The following BCL6 variants were observed in gnomAD, a reference collection of about 807,000 sequenced individuals.
The protein encoded by BCL6 is BCL6 transcription repressor.
BCL6 carries 7 observed loss-of-function variants against 59.5 expected under a neutral mutation model. The ratio of observed to expected loss-of-function variants is 0.12; its 90% CI spans 0.07 to 0.22. The LOEUF (loss-of-function observed/expected upper bound fraction) is 0.22, where lower values mean the gene tolerates loss of function less well. Ranked by LOEUF, BCL6 falls within the 10% of genes least tolerant of loss-of-function variation. The pLI, the probability that BCL6 is intolerant of heterozygous loss-of-function variation, is 1.00. For missense variants in BCL6, 685 were observed against 939.4 expected (o/e 0.73, Z 3.54); for synonymous variants, 339 against 349.7 (o/e 0.97, Z 0.34).
chr3:187,742,794 A>G (rs904406552), intron 1 of BCL6, among the ~76,000 whole-genome samples: 2 of 152,114 alleles, frequency 1.3e-5, no homozygotes, highest in Non-Finnish European at 2.9e-5. Flanking sequence ...AGAGACAAAT[A>G]TCTTTTCGTC....
chr3:187,738,177 G>A (rs1248859298), intron 1 of BCL6, among the ~76,000 whole-genome samples: 7 of 152,182 alleles, frequency 4.6e-5, no homozygotes, highest in Non-Finnish European at 8.8e-5. Context: ...AATACAATCC[G>A]AGGCTCATAT....
At chr3:187,727,211 C>A (rs1012354440) in intron 6 of BCL6, among the ~76,000 whole-genome samples, 2 of 152,154 alleles carry the variant, frequency 1.3e-5, no homozygotes, top group African/African-American at 2.4e-5. Flanking sequence ...TTTCTTTCCC[C>A]AAGAGCTCTG....
chr3:187,725,481 C>G lies in BCL6; in HGVS notation c.1839+18G>C. On this transcript the variant is annotated intron_variant, in intron 8 of 9. Transcript: ENST00000406870. This position sits in a 1 kb window ranked among gnomAD's most constrained non-coding sequence, Gnocchi z 4.7. ...TCCGCTCGCCTGCCCGCTCCGCTCGCCTGCCCACTCTGCTCACCTGTACAA... is the reference window on the plus strand; with the variant it reads ...TCCGCTCGCCTGCCCGCTCCGCTCGGCTGCCCACTCTGCTCACCTGTACAA... 6.2e-7 allele frequency: 1 copy of G among 1,611,458 alleles called. No individual in the cohort carries two copies. The highest frequency in any genetic ancestry group is 2.2e-5 in the East Asian group (1 of 44,826).
intron 2 of BCL6, chr3:187,733,999 A>G: frequency 2.3e-6 from 1 of 428,870 alleles, no homozygotes; most frequent in Non-Finnish European, 4.4e-6. Context: ...AAGCACTGAC[A>G]GGTAGTGAGT....
chr3:187,742,088 T>C (rs973595754), intron 1 of BCL6, among the ~76,000 whole-genome samples: 9 of 152,200 alleles, frequency 5.9e-5, no homozygotes, highest in East Asian at 1.9e-4. Context: ...TATCCGTTAG[T>C]TTTATCTCCC....
intron 1 of BCL6, among the ~76,000 whole-genome samples, chr3:187,741,636 T>G (rs969875737): frequency 2.6e-5 from 4 of 152,204 alleles, no homozygotes; most frequent in African/African-American, 9.7e-5. Flanking sequence ...GCACCCTCGC[T>G]GTGCTCGCGG....
At chr3:187,738,983 C>A (rs1304455588) in intron 1 of BCL6, among the ~76,000 whole-genome samples, 4 of 152,082 alleles carry the variant, frequency 2.6e-5, no homozygotes, top group Non-Finnish European at 5.9e-5. Flanking sequence ...GTGTTTTTAC[C>A]GCTGCCTAAC....
At chr3:187,744,603 G>A (rs1192581926) in intron 1 of BCL6, among the ~76,000 whole-genome samples, 2 of 152,182 alleles carry the variant, frequency 1.3e-5, no homozygotes, top group South Asian at 2.1e-4. Context: ...AACCCAAAGA[G>A]TTCGCTTGCA....
At chr3:187,745,308 A>T (rs1430493895) in intron 1 of BCL6, 102 bp downstream of exon 1, 4 of 399,880 alleles carry the variant, frequency 1.0e-5, no homozygotes, top group East Asian at 3.6e-5. Flanking sequence ...ATTAAAAGGT[A>T]AAATAATGAT....
intron 5 of BCL6, 76 bp from the exon 6 acceptor site, chr3:187,728,620 C>G (rs1718853850): frequency 6.9e-7 from 1 of 1,452,908 alleles, no homozygotes; most frequent in Non-Finnish European, 9.2e-7. Context: ...TGTGTGTAGG[C>G]AAGCCCAGAG....
At chr3:187,733,925 TA>T in intron 2 of BCL6, 1 of 552,302 alleles carries the variant, frequency 1.8e-6, no homozygotes, top group Non-Finnish European at 3.3e-6. Flanking sequence ...GAAAGCCCTT[TA>T]GGGGAAAAGC....
chr3:187,744,122 TG>T (rs1711750574), intron 1 of BCL6, among the ~76,000 whole-genome samples: 2 of 151,876 alleles, frequency 1.3e-5, no homozygotes, highest in African/African-American at 2.4e-5. Context: ...GCTTGCACCA[TG>T]GGAAAAAATA....
chr3:187,745,452 C>G lies in BCL6; in HGVS notation c.-92G>C, dbSNP rs2108486004. The G allele has an allele frequency of 2.5e-6, 1 of 399,524 alleles. No individual in the cohort carries two copies. The highest frequency in any genetic ancestry group is 4.4e-6 in the Non-Finnish European group (1 of 226,330). The allele number at this position is 399,524 out of a possible 1,614,324, so 24.7% of individuals were successfully genotyped here. On this transcript the variant is annotated 5_prime_UTR_variant, in exon 1 of 10. Transcript: ENST00000406870. The stretch of plus-strand genomic sequence containing the variant: ...CTAGAAACTTCTTGCATCACCACTT[C>G]TAAGAACCCCAGTTCTAAGAATCAA...
intron 1 of BCL6, among the ~76,000 whole-genome samples, chr3:187,735,304 G>A (rs1719236606): frequency 6.6e-6 from 1 of 152,274 alleles, no homozygotes; most frequent in African/African-American, 2.4e-5. Context: ...TAAAACCACT[G>A]GACGTCATTC....
At position 187,725,560 on chromosome 3, in the gene BCL6, G is replaced by A; in HGVS notation, c.1778C>T (p.Thr593Ile). 1 of 1,614,232 alleles carries A rather than the reference G, an allele frequency of 6.2e-7. No individual in the cohort carries two copies. The highest frequency in any genetic ancestry group is 1.1e-5 in the South Asian group (1 of 91,086). Reference sequence around the variant, plus strand: ...GGGCTTCTCTCCAGAGTGAATTCGAGTGTGGGTTTTCAGGTTGGCTGGCCG... The same window carrying A: ...GGGCTTCTCTCCAGAGTGAATTCGAATGTGGGTTTTCAGGTTGGCTGGCCG... ...FNRPANLKTH[T>I]RIHSGEKPYK... The change falls in exon 8 of 10, where the codon ACT becomes ATT. Residue 593 changes from threonine to isoleucine, a missense_variant. Coordinates refer to ENST00000406870, the MANE Select transcript of BCL6 (RefSeq NM_001706.5). The surrounding 1 kb of genome is among the most constrained non-coding windows in gnomAD (Gnocchi z 4.7).
rs139615576 is a variant in BCL6 at position 187,740,628 on chromosome 3, T to C, written c.-50+4782A>G. On this transcript the variant is annotated intron_variant, in intron 1 of 9. Coordinates refer to ENST00000406870, the MANE Select transcript of BCL6 (RefSeq NM_001706.5). Reference sequence around the variant, plus strand: ...ACATGAAATTCAGAAGCTTAAAATCTGGTCCTGGTTAAGTCACTAACTCAC... The same window carrying C: ...ACATGAAATTCAGAAGCTTAAAATCCGGTCCTGGTTAAGTCACTAACTCAC... 3.5e-3 allele frequency among the ~76,000 whole-genome samples: 526 copies of C among 152,278 alleles called. 5 individuals carry two copies. Among genetic ancestry groups the C allele is most frequent in the African/African-American group, 0.012 (498 of 41,552 alleles).
intron 1 of BCL6, among the ~76,000 whole-genome samples, chr3:187,744,757 G>C (rs559754657): frequency 1.3e-5 from 2 of 152,238 alleles, no homozygotes; most frequent in African/African-American, 2.4e-5. Context: ...GGAAGGGAAG[G>C]AAGAAGAGGC....
chr3:187,745,109 C>A (rs1711867681), intron 1 of BCL6, among the ~76,000 whole-genome samples: 1 of 152,246 alleles, frequency 6.6e-6, no homozygotes, highest in South Asian at 2.1e-4. Flanking sequence ...GGCCGATTCA[C>A]TCAAAGACAA....
chr3:187,744,687 G>C (rs1711808408), intron 1 of BCL6, among the ~76,000 whole-genome samples: 1 of 152,280 alleles, frequency 6.6e-6, no homozygotes, highest in South Asian at 2.1e-4. Context: ...AAGAGAGCCA[G>C]CGGGGCGAGC....
Sources: allele counts gnomAD v4.1 joint callset (sites outside exome capture counted in the v4.1 genomes callset), GRCh38; gene constraint gnomAD v4.1.1; non-coding constraint Gnocchi (gnomAD v3.1); transcripts MANE v1.5; gene names NCBI Gene and HGNC (gene_info 2026-07-23, HGNC 2026-07-21).